Variants in PDXDC1 observed in about 807,000 individuals in gnomAD.
PDXDC1 encodes the protein pyridoxal-dependent decarboxylase domain-containing protein 1.
In PDXDC1, 42 loss-of-function variants were observed where a neutral mutation model predicts 100.1. The ratio of observed to expected loss-of-function variants is 0.42; its 90% CI spans 0.33 to 0.54. The LOEUF is 0.54. Among genes scored for constraint, PDXDC1 ranks in the 20% least tolerant of loss-of-function variants. PDXDC1 has a pLI of 0.10. For missense variants in PDXDC1, 636 were observed against 979.2 expected (o/e 0.65, Z 4.68); for synonymous variants, 260 against 371.7 (o/e 0.70, Z 3.46).
Position 15,017,489 on chromosome 16 carries a change from A to T in PDXDC1, c.963+67A>T, listed in dbSNP as rs940771189. 59 of 1,178,872 alleles carry T rather than the reference A, an allele frequency of 5.0e-5. No individual in the cohort carries two copies. In the East Asian group the frequency reaches 1.1e-3, roughly 22 times the overall value. The allele number at this position is 1,178,872 out of a possible 1,614,324, so 73.0% of individuals were successfully genotyped here. On this transcript the variant is annotated intron_variant, in intron 11 of 22. Coordinates refer to ENST00000396410, the MANE Select transcript of PDXDC1 (RefSeq NM_015027.4). The stretch of plus-strand genomic sequence containing the variant: ...ACACATTATTGGCTTTGGGGGCAAA[A>T]TCCAGAAAAATACAGGAAAAAGTGA...
the PDXDC1 span, among the ~76,000 whole-genome samples, chr16:15,145,029 T>C: frequency 6.6e-6 from 1 of 152,086 alleles, no homozygotes; most frequent in South Asian, 2.1e-4. Flanking sequence ...ACAGCCTGGG[T>C]GGGCAGGTGC....
chr16:15,031,481 C>T (rs1292675291), intron 16 of PDXDC1, among the ~76,000 whole-genome samples: 1 of 152,162 alleles, frequency 6.6e-6, no homozygotes, highest in African/African-American at 2.4e-5. Context: ...AGAGTGATTT[C>T]TAACACTGGA....
In PDXDC1 at chr16:15,031,735, T is replaced by G; in HGVS notation, c.1400T>G (p.Val467Gly). ...LRFSPLMTAAVLGTRGEDVDQ... is the reference protein window; with the variant it reads ...LRFSPLMTAAGLGTRGEDVDQ... Reference sequence around the variant, plus strand: ...TCTCTGACATTGTGAACATCTTCAGTTTTAGGAACTCGGGGAGAGGATGTG... The same window carrying G: ...TCTCTGACATTGTGAACATCTTCAGGTTTAGGAACTCGGGGAGAGGATGTG... The change falls in exon 17 of 23, where the codon GTT becomes GGT. Residue 467 changes from valine (V) to glycine (G), a missense_variant and splice_region_variant. Val to Gly is a moderately radical substitution (Grantham distance 109, BLOSUM62 -3). Transcript: ENST00000396410. 6.2e-7 allele frequency: 1 copy of G among 1,607,898 alleles called. No homozygotes were observed. Among genetic ancestry groups the G allele is most frequent in the East Asian group, 2.2e-5 (1 of 44,680 alleles).
intron 16 of PDXDC1, among the ~76,000 whole-genome samples, chr16:15,049,875 A>G (rs2044229928): frequency 6.6e-6 from 1 of 152,254 alleles, no homozygotes; most frequent in Non-Finnish European, 1.5e-5. Context: ...TTGAAAAGCA[A>G]GATACAAAAG....
chr16:15,136,827 G>T, intron 16 of PDXDC1: 1 of 1,036,280 alleles, frequency 9.6e-7, no homozygotes, highest in Non-Finnish European at 1.5e-6. Context: ...GCCCCATCTG[G>T]ATGGCCCTGG....
intron 16 of PDXDC1, among the ~76,000 whole-genome samples, chr16:15,056,374 G>T (rs1242209922): frequency 6.6e-6 from 1 of 152,250 alleles, no homozygotes; most frequent in Non-Finnish European, 1.5e-5. Context: ...GGCTCCGACT[G>T]CTGCGCTTTA....
chr16:15,060,759 C>A (rs1310566946), intron 16 of PDXDC1: 1 of 152,294 alleles, frequency 6.6e-6, no homozygotes, highest in African/African-American at 2.4e-5. Flanking sequence ...CAGACCAAGA[C>A]TGCACTAGCA....
chr16:15,035,556 A>G lies in PDXDC1; in HGVS notation c.2107+3A>G. ...TCGCACCAAGCAGAGGCTTCCAGGT[A>G]AGTGACGCCTCTGCACCGAGTTCAG... On this transcript the variant is annotated splice_donor_region_variant and intron_variant, in intron 22 of 22. Coordinates refer to ENST00000396410, the MANE Select transcript of PDXDC1 (RefSeq NM_015027.4). 6.3e-7 allele frequency: 1 copy of G among 1,576,228 alleles called. No individual in the cohort carries two copies. The highest frequency in any genetic ancestry group is 8.7e-7 in the Non-Finnish European group (1 of 1,148,574).
chr16:15,040,060 T>C (rs1397047685), downstream of PDXDC1: 2 of 1,592,270 alleles, frequency 1.3e-6, no homozygotes, highest in African/African-American at 1.3e-5. Flanking sequence ...AGTCTTAATG[T>C]TGACAGCTGT....
intron 17 of PDXDC1, chr16:15,032,616 T>G (rs2043132268): frequency 5.5e-6 from 2 of 363,310 alleles, no homozygotes; most frequent in Non-Finnish European, 9.7e-6. Context: ...ATCATGCCAC[T>G]GCACCCCAGC....
intron 16 of PDXDC1, among the ~76,000 whole-genome samples, chr16:15,064,962 C>T (rs1487397228): frequency 6.6e-6 from 1 of 152,126 alleles, no homozygotes; most frequent in Non-Finnish European, 1.5e-5. Flanking sequence ...GTCAGGAGAT[C>T]GAGAACATCC....
chr16:15,040,954 T>C, downstream of PDXDC1: 1 of 765,930 alleles, frequency 1.3e-6, no homozygotes, highest in Admixed American at 1.9e-5. Flanking sequence ...GTAGCTGGGA[T>C]CTGAACCCAA....
At chr16:15,082,244 G>T (rs1447253760) in intron 16 of PDXDC1, among the ~76,000 whole-genome samples, 3 of 152,196 alleles carry the variant, frequency 2.0e-5, no homozygotes, top group African/African-American at 7.2e-5. Context: ...ATCAGGTTGA[G>T]AAAATTTCCT....
chr16:15,102,918 CAG>C (rs1382831584), intron 16 of PDXDC1, among the ~76,000 whole-genome samples: 1 of 148,446 alleles, frequency 6.7e-6, no homozygotes, highest in Non-Finnish European at 1.5e-5. Flanking sequence ...GCCTGAGCAA[CAG>C]AGAGATACGC....
At chr16:15,000,406 T>C (rs1333215624) in intron 3 of PDXDC1, among the ~76,000 whole-genome samples, 1 of 152,294 alleles carries the variant, frequency 6.6e-6, no homozygotes, top group African/African-American at 2.4e-5. Context: ...CCAGTGTGCC[T>C]CAAGGGCCCC....
chr16:15,073,960 C>T (rs1263103983), intron 16 of PDXDC1, among the ~76,000 whole-genome samples: 1 of 152,206 alleles, frequency 6.6e-6, no homozygotes, highest in East Asian at 1.9e-4. Context: ...ATGTAAAGGG[C>T]AGATTATGAA....
chr16:14,994,890 C>G (rs1409797771), intron 1 of PDXDC1, among the ~76,000 whole-genome samples: 24 of 152,392 alleles, frequency 1.6e-4, no homozygotes, highest in Middle Eastern at 6.8e-3. Flanking sequence ...GTATTTTATT[C>G]TCTTTGAAGC....
rs1339171205 is a variant in PDXDC1, at chr16:15,006,566, C to G, written c.562C>G (p.Gln188Glu). The G allele has an allele frequency of 6.4e-7, 1 of 1,574,574 alleles. No homozygotes were observed. The highest frequency in any genetic ancestry group is 1.3e-5 in the African/African-American group (1 of 74,364). The change falls in exon 6 of 23, where the codon CAA becomes GAA. Residue 188 changes from glutamine (Q) to glutamate (E), a missense_variant. By Grantham distance (29) the Gln-to-Glu change is conservative (BLOSUM62 2). This residue lies in a region of PDXDC1 where 125 missense variants were observed against 479.9 expected (regional missense o/e 0.26). Coordinates refer to ENST00000396410, the MANE Select transcript of PDXDC1 (RefSeq NM_015027.4). ...TGCTGCTGCTAGACCTGGCCTGGGC[C>G]AATACCTTTGTAATCAGGTAATGTG... ...LSAAARPGLGQYLCNQLGLPF... is the reference protein window; with the variant it reads ...LSAAARPGLGEYLCNQLGLPF...
intron 16 of PDXDC1, among the ~76,000 whole-genome samples, chr16:15,082,757 T>C (rs2045759177): frequency 6.6e-6 from 1 of 152,132 alleles, no homozygotes; most frequent in Non-Finnish European, 1.5e-5. Context: ...TGTATGCTAC[T>C]AGATTCGGTT....
Sources: gnomAD v4.1 joint callset for allele counts (sites outside exome capture counted in the v4.1 genomes callset) on GRCh38, gnomAD v4.1.1 for gene constraint, gnomAD v4.1.1 regional missense constraint, MANE v1.5 for transcripts, NCBI Gene and HGNC (gene_info 2026-07-23, HGNC 2026-07-21) for gene names.